The following ABCC9 variants were observed in gnomAD, a reference collection of about 807,000 sequenced individuals.
ABCC9 encodes the protein ATP-binding cassette sub-family C member 9.
In ABCC9, 95 loss-of-function variants were observed where a neutral mutation model predicts 188.3. The observed-to-expected ratio is 0.50, with a 90% confidence interval of 0.43 to 0.60. The LOEUF is 0.60. Among genes scored for constraint, ABCC9 ranks in the 20% least tolerant of loss-of-function variants. ABCC9 has a pLI of 0.00. For synonymous variants in ABCC9, 659 were observed against 652.7 expected (o/e 1.01, Z -0.15); for missense variants, 1,102 against 1,876.3 (o/e 0.59, Z 7.62).
chr12:21,824,316 C>A (rs1565703943), intron 31 of ABCC9, among the ~76,000 whole-genome samples: 1 of 152,104 alleles, frequency 6.6e-6, no homozygotes. Context: ...TATGTTGAAC[C>A]AGCTTTGCAT....
chr12:21,854,827 G>T (rs1426680771), intron 22 of ABCC9, among the ~76,000 whole-genome samples: 1 of 152,040 alleles, frequency 6.6e-6, no homozygotes, highest in Non-Finnish European at 1.5e-5. Flanking sequence ...ATGTAACTTT[G>T]CAGTTACTTA....
chr12:21,831,757 A>G (rs1251482242), intron 30 of ABCC9, among the ~76,000 whole-genome samples: 3 of 152,168 alleles, frequency 2.0e-5, no homozygotes, highest in Non-Finnish European at 4.4e-5. Context: ...AGGCACAGAA[A>G]TGAGAAAGCG....
At chr12:21,839,599 T>C (rs1336233058) in intron 29 of ABCC9, among the ~76,000 whole-genome samples, 1 of 152,248 alleles carries the variant, frequency 6.6e-6, no homozygotes, top group African/African-American at 2.4e-5. Flanking sequence ...GAAGATAGGC[T>C]AACAGTTATA....
In ABCC9 at chr12:21,852,497, T is replaced by C; in HGVS notation, c.2514A>G (p.Pro838=). 6.2e-7 allele frequency: 1 copy of C among 1,610,806 alleles called. No homozygotes were observed. Among genetic ancestry groups the C allele is most frequent in the South Asian group, 1.1e-5 (1 of 91,082 alleles). Reference sequence around the variant, plus strand: ...TCAAGTGAATGTCCAGGGCTGAGAATGGATCATCCTGCAATCAGTAAAATG... The same window carrying C: ...TCAAGTGAATGTCCAGGGCTGAGAACGGATCATCCTGCAATCAGTAAAATG... The part of the protein sequence containing the change: ...QNTNIVFLDD[P]FSALDIHLSD... Residue 838 remains proline (P), a synonymous_variant, in exon 23 of 40, where the codon CCA becomes CCG. Transcript: ENST00000261200.
rs571656781 is a variant in ABCC9 at position 21,903,883 on chromosome 12, C to T, written c.1618+2243G>A. On this transcript the variant is annotated intron_variant, in intron 12 of 39. Coordinates refer to ENST00000261200, the MANE Select transcript of ABCC9 (RefSeq NM_020297.4). ...AGGTAATTTATAGATTCAATGCTAT[C>T]CCCATCAAGCTACCAATGACTTTCT... Among the ~76,000 whole-genome samples, 246 of 152,294 alleles carry T rather than the reference C, an allele frequency of 1.6e-3. 1 individual carries two copies. Among genetic ancestry groups the T allele is most frequent in the African/African-American group, 5.4e-3 (224 of 41,554 alleles).
At chr12:21,870,024 C>G (rs2137562617) in intron 18 of ABCC9, among the ~76,000 whole-genome samples, 1 of 152,210 alleles carries the variant, frequency 6.6e-6, no homozygotes, top group East Asian at 1.9e-4. Context: ...CATACTTAGA[C>G]TGTGTTGTTC....
rs1393960478 is a variant in ABCC9, at chr12:21,915,225, A to ATATGTGTGTGTGTGTG, written c.816+442_816+443insCACACACACACACATA. The stretch of plus-strand genomic sequence containing the variant: ...CTAAGCTTTGTGTCTTTATATATAT[A>ATATGTGTGTGTGTGTG]TGTGTGTGTGTGTGTGTGTGTGTGT... On this transcript the variant is annotated intron_variant, in intron 7 of 39. Transcript: ENST00000261200. Among the ~76,000 whole-genome samples, 4 of 129,158 alleles carry ATATGTGTGTGTGTGTG rather than the reference A, an allele frequency of 3.1e-5. No individual in the cohort carries two copies. The East Asian group carries it at 9.3e-4, about 30-fold the overall frequency. 84.7% of individuals were successfully genotyped at this position (129,158 alleles called of 152,430 possible).
chr12:21,812,026 G>T, intron 36 of ABCC9, 23 bp downstream of exon 36: 1 of 1,493,414 alleles, frequency 6.7e-7, no homozygotes, highest in African/African-American at 1.4e-5. Flanking sequence ...AGGCATACAG[G>T]TGTTGCTAAA....
intron 8 of ABCC9, 62 bp from the exon 9 acceptor site, chr12:21,911,040 G>A: frequency 2.0e-6 from 3 of 1,487,324 alleles, no homozygotes; most frequent in Middle Eastern, 1.7e-4. Flanking sequence ...CAGGTGTACA[G>A]TTTGCATTTA....
In ABCC9 at chr12:21,815,912, A is replaced by G; in HGVS notation, c.3893-19T>C. ...GAAGGATCTGGAGGATGGGATGGGG[A>G]AATAGACAGATAATAGGCAGATAGA... On this transcript the variant is annotated intron_variant, in intron 33 of 39. Transcript: ENST00000261200. The G allele has an allele frequency of 6.2e-7, 1 of 1,609,228 alleles. No homozygotes were observed. The highest frequency in any genetic ancestry group is 8.5e-7 in the Non-Finnish European group (1 of 1,176,416).
At chr12:21,867,295 G>A (rs541795581) in intron 18 of ABCC9, among the ~76,000 whole-genome samples, 4 of 152,078 alleles carry the variant, frequency 2.6e-5, no homozygotes, top group Non-Finnish European at 5.9e-5. Flanking sequence ...AAATAAAGAA[G>A]TAGATTTAGC....
In ABCC9 at chr12:21,805,280, A is replaced by G; in HGVS notation, c.4512+718T>C. ...AATACCCTCAGAAAAGACTAAAACA[A>G]GGCCTGCATCCATAATAGAAGAGAC... On this transcript the variant is annotated intron_variant, in intron 39 of 39. Transcript: ENST00000261200. 6.2e-7 allele frequency: 1 copy of G among 1,614,102 alleles called. No individual in the cohort carries two copies.
intron 36 of ABCC9, among the ~76,000 whole-genome samples, chr12:21,811,498 T>C (rs1942235040): frequency 6.6e-6 from 1 of 152,112 alleles, no homozygotes; most frequent in South Asian, 2.1e-4. Context: ...ATGGAGATAA[T>C]AAATATCTAC....
chr12:21,817,164 A>G, intron 33 of ABCC9, 23 bp downstream of exon 33: 1 of 1,610,186 alleles, frequency 6.2e-7, no homozygotes. Context: ...TTTAAGTGAG[A>G]CAAACAATAT....
intron 29 of ABCC9, among the ~76,000 whole-genome samples, 189 bp downstream of exon 29, chr12:21,842,125 C>G (rs1192261519): frequency 6.6e-6 from 1 of 152,206 alleles, no homozygotes; most frequent in African/African-American, 2.4e-5. Flanking sequence ...GGCAACACAT[C>G]ACACATCGCT....
intron 4 of ABCC9, among the ~76,000 whole-genome samples, chr12:21,926,950 G>A (rs1949068709): frequency 1.3e-5 from 2 of 152,176 alleles, no homozygotes; most frequent in African/African-American, 2.4e-5. Flanking sequence ...ATTACTTGAA[G>A]ATATTAGTAC....
rs1944449678 is a variant in ABCC9 at position 21,842,575 on chromosome 12, C to T, written c.3316-104G>A. ...ATGTTGATAGTTACACAGTTAACTA[C>T]CAAAGTAGTGTATAAGCATGTTCAT... On this transcript the variant is annotated intron_variant, in intron 28 of 39. Transcript: ENST00000261200. 1.4e-5 allele frequency: 16 copies of T among 1,140,304 alleles called. No individual in the cohort carries two copies. In the South Asian group the frequency reaches 2.0e-4, roughly 14 times the overall value. 70.6% of individuals were successfully genotyped at this position (1,140,304 alleles called of 1,614,324 possible).
intron 9 of ABCC9, 81 bp downstream of exon 9, chr12:21,910,745 A>T: frequency 7.5e-7 from 1 of 1,339,758 alleles, no homozygotes; most frequent in South Asian, 1.3e-5. Context: ...GAAAAAACAA[A>T]ACTGAAGCTA....
Position 21,845,749 on chromosome 12 carries a change from G to A in ABCC9, c.2950C>T (p.Arg984Cys), listed in dbSNP as rs78979794. 1.1e-5 allele frequency: 17 copies of A among 1,613,868 alleles called. No individual in the cohort carries two copies. The highest frequency in any genetic ancestry group is 4.0e-5 in the African/African-American group (3 of 75,036). ...RTKMPWKTCW[R>C]YLTSGGFFLL... ...AAGAATCCTCCAGATGTCAGGTAGC[G>A]CCAGCAGGTTTTCCATGGCATTTTA... Residue 984 changes from arginine (R) to cysteine (C), a missense_variant, in exon 26 of 40, where the codon CGC becomes TGC. Arg to Cys is a radical substitution (Grantham distance 180). This residue lies in a region of ABCC9 where 131 missense variants were observed against 170.2 expected (regional missense o/e 0.77). Coordinates refer to ENST00000261200, the MANE Select transcript of ABCC9 (RefSeq NM_020297.4).
Sources: allele counts gnomAD v4.1 joint callset (sites outside exome capture counted in the v4.1 genomes callset), GRCh38; gene constraint gnomAD v4.1.1; regional missense constraint gnomAD v4.1.1; transcripts MANE v1.5; gene names NCBI Gene and HGNC (gene_info 2026-07-23, HGNC 2026-07-21).